The following STT3B variants were observed in gnomAD, a reference collection of about 807,000 sequenced individuals.
STT3B encodes the protein STT3 oligosaccharyltransferase complex catalytic subunit B.
In STT3B, 29 loss-of-function variants were observed where a neutral mutation model predicts 96.8. The ratio of observed to expected loss-of-function variants is 0.30; its 90% confidence interval spans 0.22 to 0.41. The LOEUF is 0.41. STT3B is among the 10% of genes least tolerant of loss of function. STT3B has a pLI of 1.00. For missense variants in STT3B, 640 were observed against 1,022.3 expected (o/e 0.63, Z 5.10); for synonymous variants, 367 against 360.0 (o/e 1.02, Z -0.22).
chr3:31,588,339 ATATT>A (rs1169419384), intron 3 of STT3B, among the ~76,000 whole-genome samples: 5 of 152,074 alleles, frequency 3.3e-5, no homozygotes, highest in African/African-American at 9.7e-5. Context: ...TTTGTCTCAA[ATATT>A]TATTTCTTTT....
At chr3:31,609,577 G>GT (rs1199110413) in intron 5 of STT3B, among the ~76,000 whole-genome samples, 19 of 151,784 alleles carry the variant, frequency 1.3e-4, no homozygotes, top group Non-Finnish European at 4.4e-5. Context: ...TGCTGAGTTT[G>GT]TTTTTTTGTT....
At chr3:31,562,521 G>T (rs1375564806) in intron 1 of STT3B, among the ~76,000 whole-genome samples, 17 of 152,204 alleles carry the variant, frequency 1.1e-4, no homozygotes, top group Non-Finnish European at 8.8e-5. Context: ...TGGTAGGCAA[G>T]GGAGGGGTGA....
intron 5 of STT3B, among the ~76,000 whole-genome samples, chr3:31,605,896 T>G (rs111590197): frequency 3.9e-5 from 6 of 152,194 alleles, no homozygotes; most frequent in African/African-American, 1.4e-4. Flanking sequence ...GTTGAGTGGC[T>G]TTGACCAAAA....
At chr3:31,612,893 C>A (rs1422916380) in intron 5 of STT3B, among the ~76,000 whole-genome samples, 1 of 152,042 alleles carries the variant, frequency 6.6e-6, no homozygotes, top group Non-Finnish European at 1.5e-5. Flanking sequence ...CATATACCTG[C>A]TAGTGATTAT....
chr3:31,613,157 G>C (rs1361698257), intron 5 of STT3B, among the ~76,000 whole-genome samples: 1 of 152,002 alleles, frequency 6.6e-6, no homozygotes, highest in Non-Finnish European at 1.5e-5. Flanking sequence ...ACAACCTTAT[G>C]CGTGTACTCA....
At chr3:31,597,528 C>G (rs569771516) in intron 4 of STT3B, among the ~76,000 whole-genome samples, 86 of 152,124 alleles carry the variant, frequency 5.7e-4, no homozygotes, top group African/African-American at 1.8e-3. Context: ...GCAATCATAG[C>G]TCACTATAAC....
intron 1 of STT3B, among the ~76,000 whole-genome samples, chr3:31,538,295 CTATAT>C: frequency 6.6e-6 from 1 of 152,216 alleles, no homozygotes; most frequent in African/African-American, 2.4e-5. Flanking sequence ...TGTTTGTTTT[CTATAT>C]TATTTGAACA....
rs1345516378 is a variant in STT3B at position 31,633,004 on chromosome 3, T to G, written c.2257T>G (p.Phe753Val). ...NAEIGNKDIK[F>V]KHLEEAFTSE... ...TGAGATTGGAAATAAGGACATTAAA[T>G]TCAAACATTTGGAAGAAGCCTTTAC... is the stretch of plus-strand genomic sequence containing the variant. Residue 753 changes from phenylalanine to valine, a missense_variant, in exon 15 of 16, where the codon TTC (phenylalanine) becomes GTC (valine). By Grantham distance (50) the Phe-to-Val change is conservative. This residue lies in a region of STT3B where 40 missense variants were observed against 122.2 expected (regional missense o/e 0.33). Coordinates refer to ENST00000295770, the MANE Select transcript of STT3B (RefSeq NM_178862.3). The G allele has an allele frequency of 1.2e-6, 2 of 1,614,016 alleles. No homozygotes were observed. Among genetic ancestry groups the G allele is most frequent in the Non-Finnish European group, 1.7e-6 (2 of 1,180,002 alleles).
intron 3 of STT3B, among the ~76,000 whole-genome samples, chr3:31,586,438 T>C (rs1333409169): frequency 6.6e-6 from 1 of 152,118 alleles, no homozygotes; most frequent in Non-Finnish European, 1.5e-5. Context: ...TAGATCTTGC[T>C]CTTGGTATCT....
chr3:31,540,504 C>G (rs1027158065), intron 1 of STT3B, among the ~76,000 whole-genome samples: 1 of 151,920 alleles, frequency 6.6e-6, no homozygotes, highest in African/African-American at 2.4e-5. Flanking sequence ...ATTAGCTGTT[C>G]TCAAGTAAAG....
intron 5 of STT3B, among the ~76,000 whole-genome samples, chr3:31,608,251 A>G (rs1699101116): frequency 6.6e-6 from 1 of 152,212 alleles, no homozygotes; most frequent in Non-Finnish European, 1.5e-5. Flanking sequence ...TAAAATTAGA[A>G]GTTTCAGTGT....
At chr3:31,566,568 C>G (rs1330915153) in intron 1 of STT3B, among the ~76,000 whole-genome samples, 1 of 152,168 alleles carries the variant, frequency 6.6e-6, no homozygotes, top group East Asian at 1.9e-4. Context: ...CACCATTTCT[C>G]CACCTCAAGG....
chr3:31,600,443 CA>C lies in STT3B; in HGVS notation c.865del (p.Arg289GlufsTer4). The C allele has an allele frequency of 6.4e-7, 1 of 1,553,750 alleles. No homozygotes were observed. Among genetic ancestry groups the C allele is most frequent in the Non-Finnish European group, 8.8e-7 (1 of 1,130,428 alleles). ...TGTTGTTACTGATGCAGAGATACAG[CA>C]AAAGAGTCTACATAGGTAAGTAATT... ...FVLLLMQRYS[K>X]RVYIAYSTFY... On this transcript the variant is annotated frameshift_variant, in exon 5 of 16. Coordinates refer to ENST00000295770, the MANE Select transcript of STT3B (RefSeq NM_178862.3). LOFTEE classifies it high-confidence loss of function.
intron 3 of STT3B, among the ~76,000 whole-genome samples, chr3:31,594,911 C>G (rs932469853): frequency 6.6e-5 from 10 of 152,108 alleles, no homozygotes; most frequent in African/African-American, 2.4e-4. Flanking sequence ...TTGGGGTGCA[C>G]CACCATCCTG....
intron 4 of STT3B, among the ~76,000 whole-genome samples, chr3:31,597,158 A>ATTAT (rs891517789): frequency 1.3e-5 from 2 of 151,852 alleles, no homozygotes; most frequent in African/African-American, 4.8e-5. Context: ...GATTATATTC[A>ATTAT]TTATTTATTT....
At chr3:31,536,678 T>G (rs887750704) in intron 1 of STT3B, among the ~76,000 whole-genome samples, 6 of 152,226 alleles carry the variant, frequency 3.9e-5, no homozygotes, top group African/African-American at 1.4e-4. Flanking sequence ...TGAAGTACAC[T>G]GCACTTTTTT....
chr3:31,548,150 TC>T, intron 1 of STT3B, among the ~76,000 whole-genome samples: 1 of 152,204 alleles, frequency 6.6e-6, no homozygotes, highest in East Asian at 1.9e-4. Context: ...CCCGAATTCT[TC>T]CATTTTAAGT....
chr3:31,566,707 C>T (rs562187845), intron 1 of STT3B, among the ~76,000 whole-genome samples: 23 of 152,314 alleles, frequency 1.5e-4, no homozygotes, highest in Non-Finnish European at 2.4e-4. Flanking sequence ...TTACAGCAAT[C>T]TCTACCCCTT....
chr3:31,623,408 C>T (rs555917493), intron 10 of STT3B, among the ~76,000 whole-genome samples: 1 of 152,234 alleles, frequency 6.6e-6, no homozygotes, highest in African/African-American at 2.4e-5. Flanking sequence ...AGTATAAGGA[C>T]AACTGGGTTT....
Sources: allele counts gnomAD v4.1 joint callset (sites outside exome capture counted in the v4.1 genomes callset), GRCh38; gene constraint gnomAD v4.1.1; regional missense constraint gnomAD v4.1.1; transcripts MANE v1.5; gene names NCBI Gene and HGNC (gene_info 2026-07-23, HGNC 2026-07-21).